The following ZNF608 variants were observed in gnomAD, a reference collection of about 807,000 sequenced individuals.
ZNF608 encodes renal carcinoma antigen NY-REN-36.
ZNF608 carries 12 observed loss-of-function variants against 109.0 expected under a neutral mutation model. That is an observed-to-expected ratio of 0.11 (90% CI 0.07 to 0.18). The LOEUF is 0.18. Ranked by LOEUF, ZNF608 falls within the 10% of genes least tolerant of loss-of-function variation. The pLI, the probability that ZNF608 is intolerant of heterozygous loss-of-function variation, is 1.00. For missense variants in ZNF608, 1,707 were observed against 1,879.3 expected (o/e 0.91, Z 1.70); for synonymous variants, 732 against 717.4 (o/e 1.02, Z -0.33).
chr5:124,659,613 A>G (rs1224524215), intron 3 of ZNF608, among the ~76,000 whole-genome samples: 1 of 152,252 alleles, frequency 6.6e-6, no homozygotes, highest in Non-Finnish European at 1.5e-5. Flanking sequence ...AACTCCTCTC[A>G]TCACCTAGTT....
chr5:124,641,512 G>A, intron 7 of ZNF608, 107 bp from the exon 8 acceptor site: 3 of 1,204,836 alleles, frequency 2.5e-6, no homozygotes, highest in Non-Finnish European at 3.3e-6. Flanking sequence ...TGATTAAAAA[G>A]TAAATATAAA....
chr5:124,691,054 A>T (rs1752606541), intron 3 of ZNF608, among the ~76,000 whole-genome samples: 1 of 152,066 alleles, frequency 6.6e-6, no homozygotes, highest in Non-Finnish European at 1.5e-5. Flanking sequence ...TCAAGAGGCC[A>T]AGATGGTAGG....
intron 2 of ZNF608, among the ~76,000 whole-genome samples, chr5:124,715,099 G>C (rs994185403): frequency 2.0e-5 from 3 of 152,102 alleles, no homozygotes; most frequent in Admixed American, 2.0e-4. Context: ...AAATGAAATG[G>C]ACTCTATGAA....
At chr5:124,725,337 G>A (rs1196112283) in intron 2 of ZNF608, among the ~76,000 whole-genome samples, 2 of 151,860 alleles carry the variant, frequency 1.3e-5, no homozygotes, top group African/African-American at 4.8e-5. Context: ...CAGAGACTTG[G>A]TTTCTTCACT....
intron 2 of ZNF608, among the ~76,000 whole-genome samples, chr5:124,735,733 A>C (rs575566089): frequency 1.3e-5 from 2 of 152,364 alleles, no homozygotes; most frequent in South Asian, 4.1e-4. Context: ...AGATTTGGGC[A>C]GGGAATGTAA....
At chr5:124,729,310 A>T (rs546078380) in intron 2 of ZNF608, among the ~76,000 whole-genome samples, 64 of 152,306 alleles carry the variant, frequency 4.2e-4, no homozygotes, top group African/African-American at 1.5e-3. Flanking sequence ...CCAGGCCTCC[A>T]AGAGCATCCC....
intron 3 of ZNF608, among the ~76,000 whole-genome samples, chr5:124,661,773 G>A (rs1022187796): frequency 2.0e-5 from 3 of 152,264 alleles, no homozygotes; most frequent in Admixed American, 6.5e-5. Context: ...CACTGAGATC[G>A]TCTGTATACA....
chr5:124,708,664 G>C (rs1201753540), intron 2 of ZNF608: 5 of 455,020 alleles, frequency 1.1e-5, no homozygotes, highest in African/African-American at 1.0e-4. Context: ...TAAAACTACC[G>C]TTATGCACAG....
At chr5:124,737,554 GA>G (rs1481558388) in intron 2 of ZNF608, among the ~76,000 whole-genome samples, 1 of 152,100 alleles carries the variant, frequency 6.6e-6, no homozygotes, top group Non-Finnish European at 1.5e-5. Context: ...TCACTGGGGG[GA>G]AAAGCCTTCT....
chr5:124,646,653 G>C, intron 5 of ZNF608, 26 bp downstream of exon 5: 1 of 1,596,088 alleles, frequency 6.3e-7, no homozygotes, highest in Non-Finnish European at 8.6e-7. Context: ...CTCTCTCCCT[G>C]TTGGGGCCAC....
chr5:124,653,382 T>C lies in ZNF608; in HGVS notation c.1163-3685A>G, dbSNP rs1436711073. On this transcript the variant is annotated intron_variant, in intron 3 of 9. Transcript: ENST00000513986. ...CCTTTGTAAAGGGTTTCCAGGAAGA[T>C]GTCAAGCCCAACAAACACTTATTGT... is the stretch of plus-strand genomic sequence containing the variant. Among the ~76,000 whole-genome samples, 5 of 152,332 alleles carry C rather than the reference T, an allele frequency of 3.3e-5. No homozygotes were observed. The South Asian group carries it at 8.3e-4, about 25-fold the overall frequency.
rs1300831629 is a variant in ZNF608 at position 124,746,242 on chromosome 5, C to G, written c.-231G>C. 1.0e-6 allele frequency: 1 copy of G among 985,282 alleles called. No individual in the cohort carries two copies. Among genetic ancestry groups the G allele is most frequent in the Non-Finnish European group, 1.2e-6 (1 of 829,952 alleles). 61.0% of individuals were successfully genotyped at this position (985,282 alleles called of 1,614,324 possible). ...TAATTAGGCCAGCAAATCAAAATGC[C>G]TTTCCCACTCCACTCGGCAAACAAG... is the stretch of plus-strand genomic sequence containing the variant. On this transcript the variant is annotated 5_prime_UTR_variant, in exon 1 of 10. Transcript: ENST00000513986.
At chr5:124,713,167 A>T (rs894616875) in intron 2 of ZNF608, among the ~76,000 whole-genome samples, 1 of 151,474 alleles carries the variant, frequency 6.6e-6, no homozygotes, top group Non-Finnish European at 1.5e-5. Context: ...CTCTCTTACT[A>T]CTCTTCTATC....
intron 2 of ZNF608, among the ~76,000 whole-genome samples, chr5:124,743,328 G>A (rs1205452030): frequency 3.9e-5 from 6 of 152,122 alleles, no homozygotes; most frequent in African/African-American, 7.2e-5. Context: ...CTTAGCAGCC[G>A]TCCAGCTCCC....
intron 3 of ZNF608, among the ~76,000 whole-genome samples, chr5:124,675,798 C>T (rs1358131742): frequency 6.6e-6 from 1 of 152,262 alleles, no homozygotes. Context: ...AATACAGTAG[C>T]GGACAAGACA....
chr5:124,746,897 G>C (rs901913585), upstream of ZNF608: 120 of 308,506 alleles, frequency 3.9e-4, no homozygotes, highest in Non-Finnish European at 5.0e-4. Flanking sequence ...GACAGCAGAT[G>C]ATTCAGTGAG....
intron 3 of ZNF608, among the ~76,000 whole-genome samples, chr5:124,661,086 A>G (rs7726952): frequency 0.031 from 4,663 of 152,268 alleles, 251 homozygotes; most frequent in African/African-American, 0.11. Flanking sequence ...AAATGATATA[A>G]AATTTATCTT....
Position 124,744,329 on chromosome 5 carries a change from G to A in ZNF608, c.661C>T (p.His221Tyr). The change falls in exon 2 of 10, where the codon CAC becomes TAC. Residue 221 changes from histidine to tyrosine, a missense_variant. His to Tyr is a moderately conservative substitution (Grantham distance 83). Around this residue, in one of 7 missense-constraint regions of ZNF608, gnomAD observed 407 missense variants for 398.7 expected, o/e 1.02. Coordinates refer to ENST00000513986, the MANE Select transcript of ZNF608 (RefSeq NM_020747.3). The surrounding 1 kb of genome is among the most constrained non-coding windows in gnomAD (Gnocchi z 4.5). ...RKDKHDLLQG[H>Y]QNGSGSQAPS... ...GCCTGGCTGCCACTGCCATTCTGGT[G>A]GCCCTGAAGCAGGTCGTGCTTGTCC... 1 of 1,614,204 alleles carries A rather than the reference G, an allele frequency of 6.2e-7. No individual in the cohort carries two copies. Among genetic ancestry groups the A allele is most frequent in the Non-Finnish European group, 8.5e-7 (1 of 1,180,034 alleles).
At chr5:124,638,841 C>T in intron 9 of ZNF608, 1 of 1,132,900 alleles carries the variant, frequency 8.8e-7, no homozygotes. Context: ...CATAATAAAA[C>T]AAAGGGAGTC....
Sources: allele counts gnomAD v4.1 joint callset (sites outside exome capture counted in the v4.1 genomes callset), GRCh38; gene constraint gnomAD v4.1.1; regional missense constraint gnomAD v4.1.1; non-coding constraint Gnocchi (gnomAD v3.1); transcripts MANE v1.5; gene names NCBI Gene and HGNC (gene_info 2026-07-23, HGNC 2026-07-21).